CEP63: variants seen among roughly 807,000 people sequenced by gnomAD.
CEP63 encodes centrosomal protein of 63 kDa.
CEP63 carries 84 observed loss-of-function variants against 89.1 expected under a neutral mutation model. The ratio of observed to expected loss-of-function variants is 0.94; its 90% CI spans 0.79 to 1.13. The LOEUF (loss-of-function observed/expected upper bound fraction) is 1.13, where lower values mean the gene tolerates loss of function less well. Ranked by LOEUF, CEP63 falls within the 50% of genes most tolerant of loss-of-function variation. The pLI is 0.00. For synonymous variants in CEP63, 267 were observed against 272.5 expected, an observed-to-expected ratio of 0.98 and a Z score of 0.20; for missense variants, 838 against 813.3, an observed-to-expected ratio of 1.03 and a Z score of -0.37.
At chr3:134,735,744 C>T in the CEP63 span, among the ~76,000 whole-genome samples, 1 of 152,128 alleles carries the variant, frequency 6.6e-6, no homozygotes, top group South Asian at 2.1e-4. Flanking sequence ...CAAATAATGA[C>T]AATTGACTGT....
chr3:134,553,827 G>C (rs940875855), intron 12 of CEP63, among the ~76,000 whole-genome samples: 8 of 152,226 alleles, frequency 5.3e-5, no homozygotes, highest in Admixed American at 3.3e-4. Context: ...TTTCAGAATG[G>C]TCTTATCTTT....
chr3:134,508,469 C>T (rs1944016643), intron 3 of CEP63, among the ~76,000 whole-genome samples: 1 of 152,076 alleles, frequency 6.6e-6, no homozygotes, highest in Admixed American at 6.6e-5. Flanking sequence ...TTATGGTAGG[C>T]TACTTAGCTA....
chr3:134,754,324 C>T, the CEP63 span, among the ~76,000 whole-genome samples: 2 of 152,160 alleles, frequency 1.3e-5, no homozygotes, highest in Non-Finnish European at 2.9e-5. Flanking sequence ...CTGGGCTGCC[C>T]ATATTCGCCC....
At chr3:134,625,883 A>G in the CEP63 span, among the ~76,000 whole-genome samples, 2 of 152,382 alleles carry the variant, frequency 1.3e-5, no homozygotes, top group South Asian at 4.1e-4. Context: ...ACAGAGATAC[A>G]GGAAGGAGAG....
chr3:134,724,404 A>G, the CEP63 span, among the ~76,000 whole-genome samples: 1 of 152,154 alleles, frequency 6.6e-6, no homozygotes, highest in East Asian at 1.9e-4. Context: ...GGTTTGCATC[A>G]CTCTCAAGGA....
chr3:134,588,878 A>G (rs1482288924), downstream of CEP63, among the ~76,000 whole-genome samples: 2 of 152,234 alleles, frequency 1.3e-5, no homozygotes, highest in Non-Finnish European at 2.9e-5. Context: ...TAAAAATAAT[A>G]AAAAGCAAAC....
chr3:134,576,154 G>A (rs1396493827), downstream of CEP63, among the ~76,000 whole-genome samples: 1 of 152,156 alleles, frequency 6.6e-6, no homozygotes, highest in Non-Finnish European at 1.5e-5. Context: ...AAGAGCCTTG[G>A]TGGTGAAGCC....
Position 134,525,094 on chromosome 3 carries a change from C to T in CEP63, c.223-6751C>T, listed in dbSNP as rs1948353679. ...GGTCTGTTCAGGGGTTCAGTTTCTT[C>T]CTGGTTCAGTCTTCGGATGGTGTAT... On this transcript the variant is annotated intron_variant, in intron 3 of 14. Transcript: ENST00000675561. 2.0e-5 allele frequency among the ~76,000 whole-genome samples: 3 copies of T among 152,132 alleles called. No homozygotes were observed. The South Asian group carries it at 6.2e-4, about 31-fold the overall frequency.
At chr3:134,596,043 GGTTT>G in the CEP63 span, among the ~76,000 whole-genome samples, 1 of 107,328 alleles carries the variant, frequency 9.3e-6, no homozygotes, top group African/African-American at 3.7e-5. Flanking sequence ...CCCGTGGAAA[GGTTT>G]GTTTGTTGGT....
In CEP63 at chr3:134,489,158, CAA is replaced by C. The variant is rs765548189; in HGVS notation, c.-26+2977_-26+2978del. ...CCTGGGTGACGGAGCGAGACTGTCT[CAA>C]AAAAAAAAAAAAAAAAAAAATTCAG... On this transcript the variant is annotated intron_variant, in intron 1 of 14. Transcript: ENST00000675561. Among the ~76,000 whole-genome samples the C allele has an allele frequency of 5.6e-4, 34 of 60,672 alleles. 1 individual carries two copies. Among genetic ancestry groups the C allele is most frequent in the Admixed American group, 9.3e-4 (5 of 5,386 alleles). The allele number at this position is 60,672 out of a possible 152,430, so 39.8% of individuals were successfully genotyped here.
the CEP63 span, among the ~76,000 whole-genome samples, chr3:134,610,954 C>A: frequency 2.0e-5 from 3 of 152,292 alleles, no homozygotes; most frequent in African/African-American, 7.2e-5. Flanking sequence ...CCCAAGGATG[C>A]CTGCAGGGGA....
the CEP63 span, among the ~76,000 whole-genome samples, chr3:134,770,327 G>T: frequency 1.3e-5 from 2 of 152,232 alleles, no homozygotes; most frequent in Non-Finnish European, 2.9e-5. Flanking sequence ...ATGAGAGTCT[G>T]TGGATCACTG....
the CEP63 span, among the ~76,000 whole-genome samples, chr3:134,757,171 A>T: frequency 5.3e-5 from 8 of 152,190 alleles, no homozygotes; most frequent in Non-Finnish European, 1.0e-4. Context: ...TGTGACCAGG[A>T]GGACACACAG....
chr3:134,623,721 AGGTAAGGTGCACTTTGAT>A, the CEP63 span, among the ~76,000 whole-genome samples: 1 of 151,922 alleles, frequency 6.6e-6, no homozygotes, highest in Non-Finnish European at 1.5e-5. Flanking sequence ...GCCCCTCTGG[AGGTAAGGTGCACTTTGAT>A]GCTGCAGTAG....
chr3:134,588,991 T>C (rs1457472713), downstream of CEP63, among the ~76,000 whole-genome samples: 1 of 152,214 alleles, frequency 6.6e-6, no homozygotes, highest in Non-Finnish European at 1.5e-5. Flanking sequence ...AAACTCATCA[T>C]ACAAAATGGA....
At chr3:134,538,396 A>C (rs1951221038) in intron 6 of CEP63, among the ~76,000 whole-genome samples, 1 of 150,842 alleles carries the variant, frequency 6.6e-6, no homozygotes, top group African/African-American at 2.4e-5. Context: ...CAACAATTGC[A>C]AGGAAGAAAT....
At chr3:134,663,136 T>C in the CEP63 span, among the ~76,000 whole-genome samples, 1 of 152,194 alleles carries the variant, frequency 6.6e-6, no homozygotes, top group Admixed American at 6.5e-5. Context: ...GTGCCCCAGA[T>C]ACAGGCCCCT....
the CEP63 span, chr3:134,607,024 G>C: frequency 1.0e-6 from 1 of 984,514 alleles, no homozygotes; most frequent in Non-Finnish European, 1.2e-6. Context: ...ATCATATTTA[G>C]GTTTAGATTT....
chr3:134,649,975 C>G, the CEP63 span, among the ~76,000 whole-genome samples: 8 of 152,218 alleles, frequency 5.3e-5, no homozygotes, highest in African/African-American at 1.9e-4. Context: ...CGCAGTCCGC[C>G]TAGTGCATCC....
Sources: allele counts gnomAD v4.1 joint callset (sites outside exome capture counted in the v4.1 genomes callset), GRCh38; gene constraint gnomAD v4.1.1; transcripts MANE v1.5; gene names NCBI Gene and HGNC (gene_info 2026-07-23, HGNC 2026-07-21).